SVIL: variants seen among roughly 807,000 people sequenced by gnomAD.
The protein encoded by SVIL is supervillin.
A neutral mutation model predicts 240.4 loss-of-function variants in SVIL; 101 were observed. That is an observed-to-expected ratio of 0.42 (90% CI 0.36 to 0.50). The LOEUF is 0.50. Among genes scored for constraint, SVIL ranks in the 20% least tolerant of loss-of-function variants. The pLI is 0.01. For synonymous variants in SVIL, 999 were observed against 1,100.0 expected (o/e 0.91, Z 1.82); for missense variants, 2,512 against 2,818.7 (o/e 0.89, Z 2.46).
intron 29 of SVIL, among the ~76,000 whole-genome samples, chr10:29,477,416 G>T (rs138734368): frequency 6.6e-6 from 1 of 152,186 alleles, no homozygotes; most frequent in Admixed American, 6.5e-5. Context: ...CGACCCTGCT[G>T]GGGAGTGAGC....
chr10:29,679,365 C>T (rs935183072), intron 2 of SVIL, among the ~76,000 whole-genome samples: 2 of 152,086 alleles, frequency 1.3e-5, no homozygotes, highest in African/African-American at 4.8e-5. Flanking sequence ...GGTAATGAAG[C>T]CAGTGAAGCC....
chr10:29,538,450 A>G (rs762475857), intron 6 of SVIL, among the ~76,000 whole-genome samples: 47 of 152,266 alleles, frequency 3.1e-4, no homozygotes, highest in Non-Finnish European at 4.3e-4. Flanking sequence ...AAATGGTTCA[A>G]TGTAAGATTT....
At chr10:29,550,497 T>C in intron 6 of SVIL, 100 bp downstream of exon 6, 2 of 1,299,778 alleles carry the variant, frequency 1.5e-6, no homozygotes, top group Admixed American at 5.7e-5. Context: ...AAGCCTTGAC[T>C]TCCACATAAT....
intron 1 of SVIL, among the ~76,000 whole-genome samples, chr10:29,701,002 G>A (rs767949417): frequency 5.9e-5 from 9 of 152,138 alleles, no homozygotes; most frequent in African/African-American, 1.7e-4. Context: ...CAGCCCTGCC[G>A]CCTGTGTTTG....
At position 29,466,266 on chromosome 10, in the gene SVIL, G is replaced by A. The variant is rs139391208; in HGVS notation, c.5978-516C>T. On this transcript the variant is annotated intron_variant, in intron 33 of 37. Coordinates refer to ENST00000355867, the MANE Select transcript of SVIL (RefSeq NM_021738.3). ...TATATAACATAAATATACATATATT[G>A]TATTTTATATACATTATACATGTAT... Among the ~76,000 whole-genome samples, 588 of 151,574 alleles carry A rather than the reference G, an allele frequency of 3.9e-3. 3 individuals are homozygous for A. The highest frequency in any genetic ancestry group is 0.014 in the African/African-American group (564 of 41,386).
intron 13 of SVIL, among the ~76,000 whole-genome samples, chr10:29,525,796 A>C (rs57038535): frequency 0.16 from 23,581 of 152,094 alleles, 2,700 homozygotes; most frequent in African/African-American, 0.32. Context: ...GATTCTAGTG[A>C]ATCCCCAATG....
chr10:29,548,617 G>T (rs867531777), intron 6 of SVIL, among the ~76,000 whole-genome samples: 1 of 152,052 alleles, frequency 6.6e-6, no homozygotes, highest in Non-Finnish European at 1.5e-5. Flanking sequence ...ATAATGCGGG[G>T]TTCTCACACA....
chr10:29,675,875 G>A (rs528294933), intron 2 of SVIL, among the ~76,000 whole-genome samples: 4 of 152,192 alleles, frequency 2.6e-5, no homozygotes, highest in African/African-American at 9.6e-5. Context: ...CATAGAAATT[G>A]ACCCTTCCCA....
At chr10:29,523,222 G>A (rs1589104113) in intron 15 of SVIL, among the ~76,000 whole-genome samples, 1 of 152,188 alleles carries the variant, frequency 6.6e-6, no homozygotes, top group East Asian at 1.9e-4. Context: ...AAAGTCAACA[G>A]AAACTCCATG....
intron 16 of SVIL, among the ~76,000 whole-genome samples, chr10:29,516,397 T>C (rs997480915): frequency 5.3e-5 from 8 of 152,118 alleles, no homozygotes; most frequent in Non-Finnish European, 1.0e-4. Context: ...GCACTAAAAC[T>C]TGAGTGTGTT....
intron 1 of SVIL, among the ~76,000 whole-genome samples, chr10:29,692,793 G>A (rs184839001): frequency 6.1e-4 from 93 of 152,062 alleles, no homozygotes; most frequent in African/African-American, 2.0e-3. Context: ...GTGCCCAGGC[G>A]GGACTTTTTT....
intron 20 of SVIL, among the ~76,000 whole-genome samples, chr10:29,494,002 C>A (rs1948204970): frequency 6.6e-6 from 1 of 152,026 alleles, no homozygotes; most frequent in African/African-American, 2.4e-5. Context: ...GTCCCCATCT[C>A]TACAAAAACA....
chr10:29,668,534 C>T lies in SVIL; in HGVS notation c.-300-10466G>A, dbSNP rs143526201. On this transcript the variant is annotated intron_variant, in intron 2 of 35. Coordinates refer to the SVIL transcript ENST00000375400. ...TGTTGCCCAGGCTGGAGTGCAATGGCGCCATCTCAGCTCACTGCAACCACT... is the reference window on the plus strand; with the variant it reads ...TGTTGCCCAGGCTGGAGTGCAATGGTGCCATCTCAGCTCACTGCAACCACT... Among the ~76,000 whole-genome samples the T allele has an allele frequency of 1.1e-4, 17 of 152,246 alleles. No individual in the cohort carries two copies. In the South Asian group the frequency reaches 1.5e-3, roughly 13 times the overall value.
At position 29,626,471 on chromosome 10, in the gene SVIL, C is replaced by T. The variant is rs141749543; in HGVS notation, c.-201+7949G>A. Among the ~76,000 whole-genome samples the T allele has an allele frequency of 4.2e-3, 634 of 152,216 alleles. 7 individuals carry two copies. Among genetic ancestry groups the T allele is most frequent in the African/African-American group, 0.014 (599 of 41,528 alleles). On this transcript the variant is annotated intron_variant, in intron 1 of 37. Coordinates refer to ENST00000355867, the MANE Select transcript of SVIL (RefSeq NM_021738.3). ...ACAACTGTTGAGAATAAATGAATAC[C>T]TGGCAGTGAACTAATAAACTCAAAG...
At chr10:29,486,695 A>T in intron 24 of SVIL, 138 bp from the exon 25 acceptor site, 1 of 914,038 alleles carries the variant, frequency 1.1e-6, no homozygotes. Context: ...GATGCTGGTT[A>T]CTGGGTATTT....
At chr10:29,572,567 C>T (rs1955475481) in intron 1 of SVIL, among the ~76,000 whole-genome samples, 1 of 151,964 alleles carries the variant, frequency 6.6e-6, no homozygotes, top group Non-Finnish European at 1.5e-5. Context: ...GAGTTCAAGA[C>T]TGGTCTGGGC....
intron 6 of SVIL, among the ~76,000 whole-genome samples, chr10:29,544,124 T>G (rs1045971364): frequency 7.2e-5 from 11 of 152,228 alleles, no homozygotes; most frequent in Non-Finnish European, 1.2e-4. Flanking sequence ...GACTAAAAAG[T>G]GCTTCCTGTT....
At chr10:29,577,728 G>T (rs940044030) in intron 1 of SVIL, among the ~76,000 whole-genome samples, 4 of 152,110 alleles carry the variant, frequency 2.6e-5, no homozygotes, top group African/African-American at 9.7e-5. Context: ...TTAAATGGTA[G>T]TTCTACTTTT....
intron 17 of SVIL, among the ~76,000 whole-genome samples, chr10:29,511,290 C>T (rs1294167983): frequency 7.1e-6 from 1 of 141,656 alleles, no homozygotes; most frequent in Non-Finnish European, 1.6e-5. Context: ...GGGGGCAGTG[C>T]ACCCATTTCA....
Sources: gnomAD v4.1 joint callset for allele counts (sites outside exome capture counted in the v4.1 genomes callset) on GRCh38, gnomAD v4.1.1 for gene constraint, MANE v1.5 for transcripts, NCBI Gene and HGNC (gene_info 2026-07-23, HGNC 2026-07-21) for gene names.